The following TBC1D12 variants were observed in gnomAD, a reference collection of about 807,000 sequenced individuals.
TBC1D12 encodes TBC1 domain family member 12, also known as TBC1 domain family, member 12.
In TBC1D12, 56 loss-of-function variants were observed where a neutral mutation model predicts 86.7. The observed-to-expected ratio is 0.65, with a 90% CI of 0.52 to 0.81. TBC1D12 has a LOEUF of 0.81. Ranked by LOEUF, TBC1D12 falls within the 30% of genes least tolerant of loss-of-function variation. TBC1D12 has a pLI of 0.00. For synonymous variants in TBC1D12, 421 were observed against 411.7 expected, an observed-to-expected ratio of 1.02 and a Z score of -0.27; for missense variants, 1,023 against 1,038.8, an observed-to-expected ratio of 0.98 and a Z score of 0.21.
intron 2 of TBC1D12, among the ~76,000 whole-genome samples, chr10:94,449,426 T>C (rs1207877689): frequency 6.6e-6 from 1 of 152,180 alleles, no homozygotes; most frequent in Non-Finnish European, 1.5e-5. Context: ...TGTCTCCTAA[T>C]TCATAGATCT....
intron 9 of TBC1D12, among the ~76,000 whole-genome samples, chr10:94,520,466 G>A (rs200280278): frequency 1.4e-4 from 22 of 152,086 alleles, no homozygotes; most frequent in African/African-American, 4.8e-4. Context: ...CAGGAGAATC[G>A]CTTGAATCCG....
intron 1 of TBC1D12, among the ~76,000 whole-genome samples, chr10:94,428,114 G>C (rs2055170915): frequency 6.6e-6 from 1 of 151,974 alleles, no homozygotes; most frequent in Non-Finnish European, 1.5e-5. Flanking sequence ...ATATGAATGT[G>C]ATTAAAAAGA....
chr10:94,500,462 C>A, intron 6 of TBC1D12, 135 bp downstream of exon 6: 2 of 544,246 alleles, frequency 3.7e-6, no homozygotes, highest in Non-Finnish European at 6.1e-6. Flanking sequence ...ATGCTTCATC[C>A]CCCTGTTATG....
chr10:94,403,601 A>T lies in TBC1D12; in HGVS notation c.971+17A>T. The stretch of plus-strand genomic sequence containing the variant: ...CTTCACCAGGTACAGCGCAGGCTGC[A>T]TGGGACTCGGGGCGGGTCCGGGGCC... On this transcript the variant is annotated intron_variant, in intron 1 of 12. Coordinates refer to ENST00000225235, the MANE Select transcript of TBC1D12 (RefSeq NM_015188.2). 7.0e-7 allele frequency: 1 copy of T among 1,431,132 alleles called. No individual in the cohort carries two copies. The highest frequency in any genetic ancestry group is 9.1e-7 in the Non-Finnish European group (1 of 1,099,320). 88.7% of individuals were successfully genotyped at this position (1,431,132 alleles called of 1,614,324 possible).
chr10:94,420,006 C>T (rs989058277), intron 1 of TBC1D12, among the ~76,000 whole-genome samples: 7 of 152,022 alleles, frequency 4.6e-5, no homozygotes, highest in African/African-American at 9.7e-5. Context: ...ATTTTTTTAT[C>T]GCAGTGGAAT....
At chr10:94,498,254 A>C (rs894951802) in intron 5 of TBC1D12, among the ~76,000 whole-genome samples, 7 of 152,214 alleles carry the variant, frequency 4.6e-5, no homozygotes, top group African/African-American at 1.7e-4. Context: ...AATGATTTTT[A>C]AAGTGTTTAT....
chr10:94,489,469 G>A (rs1015071538), intron 3 of TBC1D12, among the ~76,000 whole-genome samples: 2 of 152,088 alleles, frequency 1.3e-5, no homozygotes, highest in African/African-American at 4.8e-5. Flanking sequence ...TTAAAACTAG[G>A]TACTGTGATT....
At position 94,474,784 on chromosome 10, in the gene TBC1D12, G is replaced by A. The variant is rs756525844; in HGVS notation, c.1211+1G>A. ...CCTTGATTCTTGAGGATCGACCATCGTAAGTATTTTAGTGATAATCAGTGA... is the reference window on the plus strand; with the variant it reads ...CCTTGATTCTTGAGGATCGACCATCATAAGTATTTTAGTGATAATCAGTGA... On this transcript the variant is annotated splice_donor_variant, in intron 3 of 12. Coordinates refer to ENST00000225235, the MANE Select transcript of TBC1D12 (RefSeq NM_015188.2). LOFTEE classifies it high-confidence loss of function. 3 of 1,611,840 alleles carry A rather than the reference G, an allele frequency of 1.9e-6. No individual in the cohort carries two copies. Among genetic ancestry groups the A allele is most frequent in the South Asian group, 1.1e-5 (1 of 90,942 alleles).
chr10:94,491,040 T>C (rs557162062), intron 3 of TBC1D12, among the ~76,000 whole-genome samples: 5 of 152,152 alleles, frequency 3.3e-5, no homozygotes, highest in East Asian at 3.9e-4. Flanking sequence ...CACCTTAGGA[T>C]TGATGGACCA....
intron 3 of TBC1D12, among the ~76,000 whole-genome samples, chr10:94,490,771 A>G (rs755091223): frequency 1.3e-5 from 2 of 152,124 alleles, no homozygotes; most frequent in Non-Finnish European, 2.9e-5. Context: ...CTACTGAGGC[A>G]TTATTCTTCT....
chr10:94,460,676 T>G (rs2055714251), intron 2 of TBC1D12, among the ~76,000 whole-genome samples: 1 of 152,066 alleles, frequency 6.6e-6, no homozygotes, highest in Admixed American at 6.5e-5. Context: ...CCATATTGCT[T>G]TAGATATTTC....
At chr10:94,498,905 G>T (rs2056358714) in intron 5 of TBC1D12, among the ~76,000 whole-genome samples, 2 of 152,104 alleles carry the variant, frequency 1.3e-5, no homozygotes, top group South Asian at 4.2e-4. Context: ...GAGTAGCTGG[G>T]ACTACAGGTA....
Position 94,432,743 on chromosome 10 carries a change from A to G in TBC1D12, c.972-9153A>G, listed in dbSNP as rs1029456677. Among the ~76,000 whole-genome samples, 4 of 150,944 alleles carry G rather than the reference A, an allele frequency of 2.6e-5. No homozygotes were observed. In the South Asian group the frequency reaches 8.4e-4, roughly 32 times the overall value. On this transcript the variant is annotated intron_variant, in intron 1 of 12. Transcript: ENST00000225235. ...CTGAACTTATTGTATTGTCAGGACT[A>G]TAATATATAATTAGAACCAGGCTTT... is the stretch of plus-strand genomic sequence containing the variant.
chr10:94,455,753 A>G lies in TBC1D12; in HGVS notation c.1095+13734A>G, dbSNP rs1039086107. Reference sequence around the variant, plus strand: ...GAGACCAGCCTGGCCGACGTGGTGAAATCCTGTCTGCACTAAAAATATTAG... The same window carrying G: ...GAGACCAGCCTGGCCGACGTGGTGAGATCCTGTCTGCACTAAAAATATTAG... On this transcript the variant is annotated intron_variant, in intron 2 of 12. Transcript: ENST00000225235. Among the ~76,000 whole-genome samples, 3 of 152,152 alleles carry G rather than the reference A, an allele frequency of 2.0e-5. No individual in the cohort carries two copies. The South Asian group carries it at 6.2e-4, about 32-fold the overall frequency.
intron 1 of TBC1D12, among the ~76,000 whole-genome samples, chr10:94,406,789 G>GGGTGCAAC (rs1487438242): frequency 1.3e-5 from 2 of 152,152 alleles, no homozygotes; most frequent in Non-Finnish European, 2.9e-5. Context: ...TCTTGTTCTT[G>GGGTGCAAC]GGTGCAACCC....
chr10:94,489,615 G>A (rs759028627), intron 3 of TBC1D12, among the ~76,000 whole-genome samples: 9 of 152,122 alleles, frequency 5.9e-5, no homozygotes, highest in Non-Finnish European at 1.3e-4. Context: ...TTGGCTTTTG[G>A]CATGCCTTCC....
chr10:94,403,613 G>A, intron 1 of TBC1D12, 29 bp downstream of exon 1: 1 of 1,425,466 alleles, frequency 7.0e-7, no homozygotes, highest in Non-Finnish European at 9.1e-7. Flanking sequence ...GGGACTCGGG[G>A]CGGGTCCGGG....
rs972228701 is a variant in TBC1D12, at chr10:94,429,389, C to CA, written c.972-12501dup. ...AATTAAAAAAGCCTAAGTTATCTGG[C>CA]AAAAAACCCTACTTTTTTTGCATAT... On this transcript the variant is annotated intron_variant, in intron 1 of 12. Transcript: ENST00000225235. 8.6e-5 allele frequency among the ~76,000 whole-genome samples: 13 copies of CA among 151,850 alleles called. 1 individual carries two copies. Among genetic ancestry groups the CA allele is most frequent in the Admixed American group, 7.2e-4 (11 of 15,254 alleles).
chr10:94,522,155 A>G, intron 10 of TBC1D12, 72 bp downstream of exon 10: 1 of 1,528,012 alleles, frequency 6.5e-7, no homozygotes, highest in Admixed American at 1.9e-5. Context: ...CAATAATTAG[A>G]AGGCCAAAAC....
Sources: gnomAD v4.1 joint callset for allele counts (sites outside exome capture counted in the v4.1 genomes callset) on GRCh38, gnomAD v4.1.1 for gene constraint, MANE v1.5 for transcripts, NCBI Gene and HGNC (gene_info 2026-07-23, HGNC 2026-07-21) for gene names.